The following LCN6 variants were observed in gnomAD, a reference collection of about 807,000 sequenced individuals.
LCN6 encodes lipocalin 6, also known as epididymal-specific lipocalin-6.
In LCN6, 20 loss-of-function variants were observed where a neutral mutation model predicts 21.4. The ratio of observed to expected loss-of-function variants is 0.93; its 90% CI spans 0.66 to 1.36. The LOEUF is 1.36. LCN6 is among the 40% of genes most tolerant of loss of function. The probability of loss-of-function intolerance (pLI) is 0.00; values close to 1 mark genes in which losing one functional copy is unlikely to be tolerated. For synonymous variants in LCN6, 96 were observed against 89.0 expected, an observed-to-expected ratio of 1.08 and a Z score of -0.44; for missense variants, 217 against 206.6, an observed-to-expected ratio of 1.05 and a Z score of -0.31.
chr9:136,744,528 T>C lies in LCN6; in HGVS notation c.*22+112A>G. The stretch of plus-strand genomic sequence containing the variant: ...GCCTGCCTGACTCCTTCAGGGCGAC[T>C]GAGTCAGGCAGAAGCCAGAATCAAC... On this transcript the variant is annotated intron_variant, in intron 5 of 6. Coordinates refer to ENST00000341206, the MANE Select transcript of LCN6 (RefSeq NM_198946.3). This position sits in a 1 kb window ranked among gnomAD's most constrained non-coding sequence, Gnocchi z 4.2. 1.5e-6 allele frequency: 1 copy of C among 669,954 alleles called. No individual in the cohort carries two copies. Among genetic ancestry groups the C allele is most frequent in the African/African-American group, 1.8e-5 (1 of 56,128 alleles). The allele number at this position is 669,954 out of a possible 1,614,324, so 41.5% of individuals were successfully genotyped here. A position where few individuals can be genotyped will look rare whatever the true frequency, so the allele number is the denominator to read the frequency against.
chr9:136,745,575 T>C (rs975387979), intron 3 of LCN6: 9 of 585,416 alleles, frequency 1.5e-5, no homozygotes, highest in Non-Finnish European at 2.4e-5. Flanking sequence ...GCCCTGTACC[T>C]GTAGACAGCC....
In LCN6 at chr9:136,747,681, A is replaced by T. The variant is rs1179412392; in HGVS notation, c.91-118T>A. 446 of 738,148 alleles carry T rather than the reference A, an allele frequency of 6.0e-4. 6 individuals are homozygous for T. The African/African-American group carries it at 0.014, about 23-fold the overall frequency. 45.7% of individuals were successfully genotyped at this position (738,148 alleles called of 1,614,324 possible). ...CTCCAGCCTCAGCCTCCACCCTCCAACCATCCAGCCCTCCAGCCTCCAGCC... is the reference window on the plus strand; with the variant it reads ...CTCCAGCCTCAGCCTCCACCCTCCATCCATCCAGCCCTCCAGCCTCCAGCC... On this transcript the variant is annotated intron_variant, in intron 1 of 6. Coordinates refer to ENST00000341206, the MANE Select transcript of LCN6 (RefSeq NM_198946.3).
In LCN6 at chr9:136,745,235, T is replaced by G. The variant is rs781293240; in HGVS notation, c.347A>C (p.Asp116Ala). 5 of 1,613,546 alleles carry G rather than the reference T, an allele frequency of 3.1e-6. No homozygotes were observed. In the South Asian group the frequency reaches 4.4e-5, roughly 14 times the overall value. ...CAGCTGAGTGAAGATGATGGCATAG[T>G]CTCTGAAGTTGGTGGCCAGCACCCA... ...ELWVLATNFR[D>A]YAIIFTQLEF... Residue 116 changes from aspartate to alanine, a missense_variant, in exon 4 of 7, where the codon GAC (aspartate) becomes GCC (alanine). Coordinates refer to ENST00000341206, the MANE Select transcript of LCN6 (RefSeq NM_198946.3).
chr9:136,746,059 C>T (rs983561175), intron 2 of LCN6, 145 bp from the exon 3 acceptor site: 4 of 705,020 alleles, frequency 5.7e-6, no homozygotes, highest in Admixed American at 4.8e-5. Flanking sequence ...TGCCCGGAAA[C>T]CTGTTCTCGG....
At position 136,744,517 on chromosome 9, in the gene LCN6, T is replaced by G; in HGVS notation, c.*22+123A>C. ...AGACCCCCTCAGCCTGCCTGACTCC[T>G]TCAGGGCGACTGAGTCAGGCAGAAG... On this transcript the variant is annotated intron_variant, in intron 5 of 6. Transcript: ENST00000341206. This position sits in a 1 kb window ranked among gnomAD's most constrained non-coding sequence, Gnocchi z 4.2. 1.6e-6 allele frequency: 1 copy of G among 635,878 alleles called. No homozygotes were observed. The highest frequency in any genetic ancestry group is 2.8e-6 in the Non-Finnish European group (1 of 359,424). 39.4% of individuals were successfully genotyped at this position (635,878 alleles called of 1,614,324 possible).
intron 2 of LCN6, among the ~76,000 whole-genome samples, 165 bp downstream of exon 2, chr9:136,747,259 G>C (rs1233229313): frequency 1.3e-5 from 2 of 152,176 alleles, no homozygotes; most frequent in African/African-American, 4.8e-5. Flanking sequence ...GCTGGGCAGA[G>C]GGCTGGTGGC....
chr9:136,747,652 AAACCTCCAGCCTCAGCCTCC>A, intron 1 of LCN6, 89 bp from the exon 2 acceptor site: 1 of 937,136 alleles, frequency 1.1e-6, no homozygotes, highest in Non-Finnish European at 1.5e-6. Context: ...TCCAGCCTCC[AAACCTCCAGCCTCAGCCTCC>A]ACCCTCCAAC....
chr9:136,748,348 G>T lies in LCN6; in HGVS notation c.90+46C>A, dbSNP rs547959888. On this transcript the variant is annotated intron_variant, in intron 1 of 6. Coordinates refer to ENST00000341206, the MANE Select transcript of LCN6 (RefSeq NM_198946.3). ...GAAGCTGTGTGGCCTTAAAGGAGGGGCTGGCCCCCGAGGACCAGCTCTCCC... is the reference window on the plus strand; with the variant it reads ...GAAGCTGTGTGGCCTTAAAGGAGGGTCTGGCCCCCGAGGACCAGCTCTCCC... 142 of 1,526,028 alleles carry T rather than the reference G, an allele frequency of 9.3e-5. 1 individual carries two copies. In the South Asian group the frequency reaches 1.6e-3, roughly 17 times the overall value. 94.5% of individuals were successfully genotyped at this position (1,526,028 alleles called of 1,614,324 possible). A position where few individuals can be genotyped will look rare whatever the true frequency, so the allele number is the denominator to read the frequency against.
Position 136,744,612 on chromosome 9 carries a change from C to A in LCN6, c.*22+28G>T. On this transcript the variant is annotated intron_variant, in intron 5 of 6. Coordinates refer to ENST00000341206, the MANE Select transcript of LCN6 (RefSeq NM_198946.3). This position sits in a 1 kb window ranked among gnomAD's most constrained non-coding sequence, Gnocchi z 4.2. ...GGCTCCAGAACTTGCCCCAAGCCTCCCCCGAGGCTGCTCCGGTGGACACTC... is the reference window on the plus strand; with the variant it reads ...GGCTCCAGAACTTGCCCCAAGCCTCACCCGAGGCTGCTCCGGTGGACACTC... The A allele has an allele frequency of 1.4e-6, 2 of 1,466,200 alleles. No individual in the cohort carries two copies. The highest frequency in any genetic ancestry group is 9.5e-7 in the Non-Finnish European group (1 of 1,057,764). The allele number at this position is 1,466,200 out of a possible 1,614,324, so 90.8% of individuals were successfully genotyped here.
rs1019701267 is a variant in LCN6, at chr9:136,745,780, G to A, written c.301+64C>T. ...CGGAGTCAGCCCTCCGTCCCTGCCC[G>A]CAGGGGGCCTGGGGATGCTGCAGGG... On this transcript the variant is annotated intron_variant, in intron 3 of 6. Transcript: ENST00000341206. 2.6e-5 allele frequency: 38 copies of A among 1,450,712 alleles called. No homozygotes were observed. The Admixed American group carries it at 4.0e-4, about 15-fold the overall frequency. The allele number at this position is 1,450,712 out of a possible 1,614,324, so 89.9% of individuals were successfully genotyped here.
Position 136,744,483 on chromosome 9 carries a change from G to A in LCN6, c.*23-119C>T. 3 of 540,648 alleles carry A rather than the reference G, an allele frequency of 5.5e-6. No individual in the cohort carries two copies. The highest frequency in any genetic ancestry group is 1.0e-5 in the Non-Finnish European group (3 of 297,310). The allele number at this position is 540,648 out of a possible 1,614,324, so 33.5% of individuals were successfully genotyped here. On this transcript the variant is annotated intron_variant, in intron 5 of 6. Coordinates refer to ENST00000341206, the MANE Select transcript of LCN6 (RefSeq NM_198946.3). The surrounding 1 kb of genome is among the most constrained non-coding windows in gnomAD (Gnocchi z 4.2). Reference sequence around the variant, plus strand: ...ACCCCCAGGCCTGACTTTGGGCAGGGGCAGGTGAAGACCCCCTCAGCCTGC... The same window carrying A: ...ACCCCCAGGCCTGACTTTGGGCAGGAGCAGGTGAAGACCCCCTCAGCCTGC...
rs1037407928 is a variant in LCN6 at position 136,745,643 on chromosome 9, G to A, written c.301+201C>T. ...GGGACCTTGGCTGGACCTCACTGGT[G>A]TCTGAGCCTGCTGGGAACAAGGTTC... On this transcript the variant is annotated intron_variant, in intron 3 of 6. Coordinates refer to ENST00000341206, the MANE Select transcript of LCN6 (RefSeq NM_198946.3). 4.7e-5 allele frequency: 29 copies of A among 618,616 alleles called. No individual in the cohort carries two copies. The African/African-American group carries it at 4.8e-4, about 10-fold the overall frequency. 38.3% of individuals were successfully genotyped at this position (618,616 alleles called of 1,614,324 possible). A position where few individuals can be genotyped will look rare whatever the true frequency, so the allele number is the denominator to read the frequency against.
Position 136,747,554 on chromosome 9 carries a change from G to T in LCN6, c.100C>A (p.Pro34Thr). Residue 34 changes from proline to threonine, a missense_variant, in exon 2 of 7, where the codon CCC (proline) becomes ACC (threonine). By Grantham distance (38) the Pro-to-Thr change is conservative. Transcript: ENST00000341206. The stretch of plus-strand genomic sequence containing the variant: ...GAGGCCACCGCAAGCACGTACCAGG[G>T]CCCAAGAAGCTGCATTGAGGCGGCT... ...GRLDPEQLLG[P>T]WYVLAVASRE... The T allele has an allele frequency of 6.2e-7, 1 of 1,610,968 alleles. No homozygotes were observed. Among genetic ancestry groups the T allele is most frequent in the Non-Finnish European group, 8.5e-7 (1 of 1,179,764 alleles).
chr9:136,745,369 G>A (rs975356961), intron 3 of LCN6, 89 bp from the exon 4 acceptor site: 2 of 901,948 alleles, frequency 2.2e-6, no homozygotes, highest in South Asian at 2.8e-5. Flanking sequence ...AGGGACAGAG[G>A]GGCCAATTCA....
intron 2 of LCN6, 68 bp downstream of exon 2, chr9:136,747,356 C>A: frequency 6.4e-7 from 1 of 1,571,210 alleles, no homozygotes; most frequent in Admixed American, 1.8e-5. Context: ...AGCAGATGTG[C>A]AAAGTACATG....
intron 2 of LCN6, 105 bp downstream of exon 2, chr9:136,747,319 G>T: frequency 7.4e-7 from 1 of 1,351,024 alleles, no homozygotes; most frequent in Non-Finnish European, 1.0e-6. Context: ...AGGGGCCGTG[G>T]GAAGCCCCCA....
In LCN6 at chr9:136,747,413, C is replaced by A; in HGVS notation, c.230+11G>T. The A allele has an allele frequency of 6.2e-7, 1 of 1,611,508 alleles. No homozygotes were observed. The highest frequency in any genetic ancestry group is 2.2e-5 in the East Asian group (1 of 44,874). On this transcript the variant is annotated intron_variant, in intron 2 of 6. Coordinates refer to ENST00000341206, the MANE Select transcript of LCN6 (RefSeq NM_198946.3). ...GCCTGCGGGAAGGCCTGGCAGGACC[C>A]GCCCACTCACCCGTGCTGAGAGGAC...
rs894131783 is a variant in LCN6 at position 136,745,294 on chromosome 9, C to T, written c.302-14G>A. ...GCACGCCTATTGCTAGGAAACAAAA[C>T]CCCCCGCCTCAGGGGAGGGCAGCTG... On this transcript the variant is annotated splice_polypyrimidine_tract_variant and intron_variant, in intron 3 of 6. Transcript: ENST00000341206. 8.9e-6 allele frequency: 14 copies of T among 1,575,934 alleles called. No homozygotes were observed. In the Admixed American group the frequency reaches 1.0e-4, roughly 11 times the overall value.
rs59473913 is a variant in LCN6 at position 136,744,302 on chromosome 9, A to C, written c.*48+37T>G. ...GTGGCCTCCCCCACCCCCTTCCCCC[A>C]AGAGAGCCCAGGGTGAGGCTCAGGA... is the stretch of plus-strand genomic sequence containing the variant. On this transcript the variant is annotated intron_variant, in intron 6 of 6. Coordinates refer to ENST00000341206, the MANE Select transcript of LCN6 (RefSeq NM_198946.3). The surrounding 1 kb of genome is among the most constrained non-coding windows in gnomAD (Gnocchi z 4.2). 9.0e-3 allele frequency: 1,957 copies of C among 217,368 alleles called. 39 individuals are homozygous for C. The highest frequency in any genetic ancestry group is 0.041 in the African/African-American group (1,833 of 44,490). 13.5% of individuals were successfully genotyped at this position (217,368 alleles called of 1,614,324 possible).
Sources: allele counts gnomAD v4.1 joint callset (sites outside exome capture counted in the v4.1 genomes callset), GRCh38; gene constraint gnomAD v4.1.1; non-coding constraint Gnocchi (gnomAD v3.1); transcripts MANE v1.5; gene names NCBI Gene and HGNC (gene_info 2026-07-23, HGNC 2026-07-21).